Variants in GRIP1 observed in about 807,000 individuals in gnomAD.
The protein encoded by GRIP1 is glutamate receptor interacting protein 1.
Under a neutral mutation model 129.9 loss-of-function variants are expected in GRIP1, and 45 were observed. That is an observed-to-expected ratio of 0.35 (90% CI 0.27 to 0.44). The LOEUF is 0.44. Among genes scored for constraint, GRIP1 ranks in the 20% least tolerant of loss-of-function variants. The probability of loss-of-function intolerance (pLI) is 1.00; values close to 1 mark genes in which losing one functional copy is unlikely to be tolerated. For missense variants in GRIP1, 1,196 were observed against 1,396.8 expected (o/e 0.86, Z 2.29); for synonymous variants, 530 against 520.8 (o/e 1.02, Z -0.24).
chr12:66,401,806 C>A (rs2057012044), intron 16 of GRIP1, among the ~76,000 whole-genome samples: 1 of 151,988 alleles, frequency 6.6e-6, no homozygotes, highest in Non-Finnish European at 1.5e-5. Context: ...CTTAGTCTTT[C>A]ATTCTACTGT....
At chr12:66,656,494 G>A (rs2033166406) in intron 1 of GRIP1, among the ~76,000 whole-genome samples, 4 of 152,092 alleles carry the variant, frequency 2.6e-5, no homozygotes, top group African/African-American at 9.7e-5. Flanking sequence ...CCACTTCCCA[G>A]TGCCTCTCTG....
intron 1 of GRIP1, among the ~76,000 whole-genome samples, chr12:66,865,826 C>A (rs2040195943): frequency 6.6e-6 from 1 of 152,096 alleles, no homozygotes; most frequent in Non-Finnish European, 1.5e-5. Flanking sequence ...TTTAGATTAT[C>A]TCTCTTCCAC....
chr12:66,606,548 A>T (rs559297038), intron 1 of GRIP1, among the ~76,000 whole-genome samples: 1 of 152,318 alleles, frequency 6.6e-6, no homozygotes, highest in Non-Finnish European at 1.5e-5. Flanking sequence ...AGCATTCATG[A>T]GATGCCAACA....
chr12:66,448,368 C>G (rs1303059394), intron 11 of GRIP1, among the ~76,000 whole-genome samples: 1 of 152,166 alleles, frequency 6.6e-6, no homozygotes, highest in Non-Finnish European at 1.5e-5. Flanking sequence ...TGAAATATAT[C>G]TTACAAAAAT....
At chr12:66,795,801 T>C (rs1372833997) in intron 1 of GRIP1, among the ~76,000 whole-genome samples, 1 of 152,164 alleles carries the variant, frequency 6.6e-6, no homozygotes, top group Non-Finnish European at 1.5e-5. Context: ...TTCTTTGACA[T>C]ATAATCTTTC....
chr12:66,928,601 T>C (rs552818997), intron 1 of GRIP1, among the ~76,000 whole-genome samples: 103 of 152,210 alleles, frequency 6.8e-4, no homozygotes, highest in Non-Finnish European at 1.1e-3. Context: ...CACAAGCCCA[T>C]GGCTAAAAAA....
At chr12:66,940,329 T>C (rs566963845) in intron 1 of GRIP1, among the ~76,000 whole-genome samples, 2 of 152,250 alleles carry the variant, frequency 1.3e-5, no homozygotes, top group South Asian at 4.1e-4. Flanking sequence ...ATATGCACCA[T>C]GAAATTAAAT....
chr12:66,668,259 T>C (rs1365063839), intron 1 of GRIP1, among the ~76,000 whole-genome samples: 1 of 152,230 alleles, frequency 6.6e-6, no homozygotes, highest in Non-Finnish European at 1.5e-5. Context: ...TGAGTCTTCA[T>C]AGCCTGTAAA....
At chr12:66,917,165 C>T (rs1021422775) in intron 1 of GRIP1, among the ~76,000 whole-genome samples, 1 of 152,186 alleles carries the variant, frequency 6.6e-6, no homozygotes, top group African/African-American at 2.4e-5. Flanking sequence ...TTAAGTTCTT[C>T]ACTGCATGTT....
chr12:66,770,583 A>G (rs2037786351), intron 1 of GRIP1, among the ~76,000 whole-genome samples: 1 of 152,148 alleles, frequency 6.6e-6, no homozygotes, highest in Non-Finnish European at 1.5e-5. Context: ...GGGCAAGCCA[A>G]TGTTAGAGGC....
intron 1 of GRIP1, among the ~76,000 whole-genome samples, chr12:66,931,382 C>A (rs1323570624): frequency 6.6e-6 from 1 of 152,082 alleles, no homozygotes; most frequent in Non-Finnish European, 1.5e-5. Flanking sequence ...TTGGAATTAT[C>A]AGAAGAAGAA....
chr12:66,977,012 C>T (rs2042162086), intron 1 of GRIP1, among the ~76,000 whole-genome samples: 1 of 152,004 alleles, frequency 6.6e-6, no homozygotes, highest in African/African-American at 2.4e-5. Flanking sequence ...AATTCTGGTC[C>T]CCGCTGAGGC....
chr12:66,700,344 A>G lies in GRIP1; in HGVS notation c.-419-70008T>C, dbSNP rs182404132. Reference sequence around the variant, plus strand: ...AAAGCATGAGGCTGGGGAGGTAGGCAGGAAAGGGATGGGCTGCGGAGCACA... The same window carrying G: ...AAAGCATGAGGCTGGGGAGGTAGGCGGGAAAGGGATGGGCTGCGGAGCACA... On this transcript the variant is annotated intron_variant, in intron 1 of 4. Transcript: ENST00000538373. Among the ~76,000 whole-genome samples, 3 of 152,074 alleles carry G rather than the reference A, an allele frequency of 2.0e-5. No homozygotes were observed. In the East Asian group the frequency reaches 5.8e-4, roughly 29 times the overall value.
At position 66,729,229 on chromosome 12, in the gene GRIP1, T is replaced by C. The variant is rs531630663; in HGVS notation, c.-420+74824A>G. ...GACTGCTAGCATTAAAGGCCTAAAT[T>C]TGATGGAAAAGGCACATATTATCTG... On this transcript the variant is annotated intron_variant, in intron 1 of 4. Coordinates refer to the GRIP1 transcript ENST00000538373. 4.6e-5 allele frequency among the ~76,000 whole-genome samples: 7 copies of C among 152,130 alleles called. No homozygotes were observed. In the East Asian group the frequency reaches 1.2e-3, roughly 25 times the overall value.
At chr12:66,999,647 A>G (rs1031583078) in intron 1 of GRIP1, among the ~76,000 whole-genome samples, 14 of 152,188 alleles carry the variant, frequency 9.2e-5, no homozygotes, top group Admixed American at 6.6e-4. Flanking sequence ...ATCACCAAGG[A>G]AAAGTGTAAT....
chr12:66,464,322 T>C (rs1042757156), intron 8 of GRIP1, among the ~76,000 whole-genome samples: 2 of 152,190 alleles, frequency 1.3e-5, no homozygotes, highest in Non-Finnish European at 2.9e-5. Flanking sequence ...CTTCCCCTTT[T>C]ACCTTACGAG....
chr12:66,997,358 C>T (rs571823363), intron 1 of GRIP1, among the ~76,000 whole-genome samples: 1 of 151,852 alleles, frequency 6.6e-6, no homozygotes, highest in African/African-American at 2.4e-5. Context: ...GTGAGAGGAT[C>T]GCTTGAGCCC....
chr12:66,623,571 C>T (rs1340573125), intron 1 of GRIP1, among the ~76,000 whole-genome samples: 2 of 152,196 alleles, frequency 1.3e-5, no homozygotes, highest in African/African-American at 4.8e-5. Context: ...CTCACATCAC[C>T]CTCAGATTTA....
At chr12:66,826,310 G>A (rs1037687041) in intron 1 of GRIP1, among the ~76,000 whole-genome samples, 4 of 151,368 alleles carry the variant, frequency 2.6e-5, no homozygotes, top group East Asian at 1.9e-4. Context: ...CAGGGGATGC[G>A]GGGATAGGGG....
Sources: allele counts gnomAD v4.1 joint callset (sites outside exome capture counted in the v4.1 genomes callset), GRCh38; gene constraint gnomAD v4.1.1; transcripts MANE v1.5; gene names NCBI Gene and HGNC (gene_info 2026-07-23, HGNC 2026-07-21).